Variants in ARAP2 observed in about 807,000 individuals in gnomAD.
ARAP2 encodes the protein ArfGAP with RhoGAP domain, ankyrin repeat and PH domain 2.
Under a neutral mutation model 194.5 loss-of-function variants are expected in ARAP2, and 148 were observed. That is an observed-to-expected ratio of 0.76 (90% CI 0.67 to 0.87). The LOEUF is 0.87. Among genes scored for constraint, ARAP2 ranks in the 40% least tolerant of loss-of-function variants. The pLI is 0.00. For synonymous variants in ARAP2, 695 were observed against 683.5 expected (o/e 1.02, Z -0.26); for missense variants, 2,128 against 1,989.7 (o/e 1.07, Z -1.32).
intron 28 of ARAP2, among the ~76,000 whole-genome samples, chr4:36,084,479 T>G (rs1730356124): frequency 6.6e-6 from 1 of 151,998 alleles, no homozygotes; most frequent in African/African-American, 2.4e-5. Flanking sequence ...CTGTTTGGAT[T>G]TCGGAATTAT....
intron 22 of ARAP2, among the ~76,000 whole-genome samples, chr4:36,123,281 G>A (rs1723091056): frequency 6.6e-6 from 1 of 151,748 alleles, no homozygotes; most frequent in Non-Finnish European, 1.5e-5. Context: ...ATGGAATTAA[G>A]AGGATATTAC....
At chr4:36,093,053 C>G (rs1278376515) in intron 27 of ARAP2, among the ~76,000 whole-genome samples, 1 of 152,012 alleles carries the variant, frequency 6.6e-6, no homozygotes, top group Non-Finnish European at 1.5e-5. Context: ...ATGTCCTTTG[C>G]AGGGACATGA....
chr4:36,227,496 G>T (rs905015266), intron 2 of ARAP2, among the ~76,000 whole-genome samples: 1 of 152,152 alleles, frequency 6.6e-6, no homozygotes, highest in African/African-American at 2.4e-5. Flanking sequence ...AAACGGTCAT[G>T]TTTTCTCTCA....
Position 36,210,319 on chromosome 4 carries a change from G to A in ARAP2, c.1487+71C>T, listed in dbSNP as rs1746470906. On this transcript the variant is annotated intron_variant, in intron 6 of 32. Coordinates refer to ENST00000303965, the MANE Select transcript of ARAP2 (RefSeq NM_015230.4). ...GTGGAGTGGGGGAACAGCAACCCTG[G>A]AGGTTTAGAAATGAATAAACTTGAA... The A allele has an allele frequency of 4.3e-6, 6 of 1,388,548 alleles. 1 individual carries two copies. In the South Asian group the frequency reaches 7.4e-5, roughly 17 times the overall value. 86.0% of individuals were successfully genotyped at this position (1,388,548 alleles called of 1,614,324 possible).
chr4:36,160,489 CA>C lies in ARAP2; in HGVS notation c.2411del (p.Leu804TrpfsTer9). ...TTAATTCTTCTTTGGTGAGAGATGC[CA>C]AAAGAGTTTTTCTGAATTTTCCTTC... ...YKEGKFRKTL[L>X]ASLTKEELNK... On this transcript the variant is annotated frameshift_variant, in exon 13 of 33. Coordinates refer to ENST00000303965, the MANE Select transcript of ARAP2 (RefSeq NM_015230.4). LOFTEE classifies it high-confidence loss of function. 1 of 1,564,456 alleles carries C rather than the reference CA, an allele frequency of 6.4e-7. No individual in the cohort carries two copies. The highest frequency in any genetic ancestry group is 8.6e-7 in the Non-Finnish European group (1 of 1,161,774).
chr4:36,130,498 C>T (rs758160118), intron 20 of ARAP2, among the ~76,000 whole-genome samples: 4 of 151,800 alleles, frequency 2.6e-5, no homozygotes, highest in Non-Finnish European at 4.4e-5. Flanking sequence ...TTCTAACTAG[C>T]TCCCATTTTC....
At chr4:36,216,605 T>A (rs1028111730) in intron 2 of ARAP2, among the ~76,000 whole-genome samples, 2 of 152,074 alleles carry the variant, frequency 1.3e-5, no homozygotes, top group African/African-American at 4.8e-5. Context: ...AAGACCTGTA[T>A]ACAAATGGTC....
At chr4:36,197,758 G>A (rs934609009) in intron 6 of ARAP2, among the ~76,000 whole-genome samples, 1 of 152,198 alleles carries the variant, frequency 6.6e-6, no homozygotes, top group African/African-American at 2.4e-5. Context: ...AGCACAAGGT[G>A]TCTGCATGGG....
chr4:36,193,629 C>T lies in ARAP2; in HGVS notation c.1506G>A (p.Lys502=), dbSNP rs770792346. 10 of 1,602,618 alleles carry T rather than the reference C, an allele frequency of 6.2e-6. No individual in the cohort carries two copies. The East Asian group carries it at 2.0e-4, about 32-fold the overall frequency. ...LSPQGKRMFQ[K]RWVKFDGLSI... ...TAAGGCCATCAAATTTCACCCATCT[C>T]TTTTGAAACATGCGTTTTCTGCAAA... Residue 502 remains lysine, a synonymous_variant, in exon 7 of 33, where the codon AAG becomes AAA. Transcript: ENST00000303965.
At chr4:36,202,554 A>G (rs927954668) in intron 6 of ARAP2, among the ~76,000 whole-genome samples, 10 of 152,156 alleles carry the variant, frequency 6.6e-5, no homozygotes, top group African/African-American at 2.4e-4. Context: ...TTGGAAGTCA[A>G]TGATAAAGCC....
chr4:36,022,524 A>C (rs769663787), intron 5 of ARAP2, among the ~76,000 whole-genome samples: 1 of 152,144 alleles, frequency 6.6e-6, no homozygotes, highest in Non-Finnish European at 1.5e-5. Context: ...GCAAAAAAGC[A>C]ATTACATTTA....
chr4:36,043,172 G>T (rs1186580814), intron 5 of ARAP2, among the ~76,000 whole-genome samples: 1 of 152,096 alleles, frequency 6.6e-6, no homozygotes, highest in Non-Finnish European at 1.5e-5. Flanking sequence ...GTACTACCAT[G>T]TGCAGACACC....
chr4:36,016,872 T>A (rs992199273), intron 6 of ARAP2, among the ~76,000 whole-genome samples: 1 of 152,130 alleles, frequency 6.6e-6, no homozygotes, highest in African/African-American at 2.4e-5. Flanking sequence ...AATGAAAAAC[T>A]TTCAGGTGGA....
At chr4:36,025,646 T>C (rs1194619054) in intron 5 of ARAP2, among the ~76,000 whole-genome samples, 1 of 151,708 alleles carries the variant, frequency 6.6e-6, no homozygotes, top group Non-Finnish European at 1.5e-5. Flanking sequence ...TAAATATAAT[T>C]ATGGAATGGC....
At chr4:36,238,648 T>C (rs1293757169) in intron 1 of ARAP2, among the ~76,000 whole-genome samples, 8 of 152,222 alleles carry the variant, frequency 5.3e-5, no homozygotes, top group African/African-American at 1.7e-4. Context: ...TTGATATGTG[T>C]CCATGTACGT....
rs1475347092 is a variant in ARAP2, at chr4:36,052,417, C to T, written n.322-364G>A. Among the ~76,000 whole-genome samples the T allele has an allele frequency of 2.0e-5, 3 of 152,156 alleles. No homozygotes were observed. In the East Asian group the frequency reaches 5.8e-4, roughly 29 times the overall value. ...ATGTTAATTGAGTTCTAAAGCAACG[C>T]ATGCAGGAAACCGCTTTCAGTATTA... On this transcript the variant is annotated intron_variant and non_coding_transcript_variant, in intron 2 of 12. Coordinates refer to the ARAP2 transcript ENST00000503225.
intron 14 of ARAP2, 68 bp from the exon 15 acceptor site, chr4:36,158,932 A>G: frequency 7.0e-7 from 1 of 1,431,126 alleles, no homozygotes; most frequent in Non-Finnish European, 9.5e-7. Flanking sequence ...TGTTTATAAT[A>G]TGTACATGAG....
chr4:36,032,236 C>T (rs977116003), intron 5 of ARAP2, among the ~76,000 whole-genome samples: 1 of 151,966 alleles, frequency 6.6e-6, no homozygotes, highest in Non-Finnish European at 1.5e-5. Context: ...AACATAGACA[C>T]CAAAGGTAGG....
chr4:36,093,458 T>G (rs911812393), intron 27 of ARAP2, among the ~76,000 whole-genome samples: 8 of 152,064 alleles, frequency 5.3e-5, no homozygotes, highest in Non-Finnish European at 1.2e-4. Context: ...TTGCTACAAT[T>G]TATTGATTAC....
Sources: allele counts gnomAD v4.1 joint callset (sites outside exome capture counted in the v4.1 genomes callset), GRCh38; gene constraint gnomAD v4.1.1; transcripts MANE v1.5; gene names NCBI Gene and HGNC (gene_info 2026-07-23, HGNC 2026-07-21).